The following CLDN14 variants were observed in gnomAD, a reference collection of about 807,000 sequenced individuals.
CLDN14 encodes the protein claudin 14, also known as claudin-14.
In CLDN14, 2 loss-of-function variants were observed where a neutral mutation model predicts 2.1. The observed-to-expected ratio is 0.96, with a 90% CI of 0.39 to 3.01. The LOEUF (loss-of-function observed/expected upper bound fraction) is 3.01. Among genes scored for constraint, CLDN14 ranks in the 30% most tolerant of loss-of-function variants. The pLI, the probability that CLDN14 is intolerant of heterozygous loss-of-function variation, is 0.09. For synonymous variants in CLDN14, 136 were observed against 154.4 expected, an observed-to-expected ratio of 0.88 and a Z score of 0.88; for missense variants, 298 against 328.0, an observed-to-expected ratio of 0.91 and a Z score of 0.71.
intron 1 of CLDN14, among the ~76,000 whole-genome samples, chr21:36,575,401 T>C (rs927090138): frequency 6.6e-6 from 1 of 152,238 alleles, no homozygotes; most frequent in Admixed American, 6.5e-5. Flanking sequence ...AGGACCATCA[T>C]TATTCCCATT....
At chr21:36,568,016 G>A (rs1355311659) in intron 1 of CLDN14, among the ~76,000 whole-genome samples, 1 of 152,162 alleles carries the variant, frequency 6.6e-6, no homozygotes, top group Non-Finnish European at 1.5e-5. Context: ...AATAATTATG[G>A]AAGAGCAAGA....
At chr21:36,569,546 G>T (rs1178814699) in intron 1 of CLDN14, among the ~76,000 whole-genome samples, 1 of 152,188 alleles carries the variant, frequency 6.6e-6, no homozygotes, top group Non-Finnish European at 1.5e-5. Flanking sequence ...GATGTCAAAT[G>T]AATTATCAAA....
intron 1 of CLDN14, among the ~76,000 whole-genome samples, chr21:36,541,862 C>A (rs754339415): frequency 1.1e-4 from 15 of 140,900 alleles, no homozygotes; most frequent in Middle Eastern, 3.5e-3. Context: ...ATTACAGTTT[C>A]TTTTGTCTTA....
intron 1 of CLDN14, among the ~76,000 whole-genome samples, chr21:36,550,721 A>G (rs947179589): frequency 6.6e-6 from 1 of 151,802 alleles, no homozygotes; most frequent in Non-Finnish European, 1.5e-5. Context: ...GCTCCATCCA[A>G]CTCTGCTCAT....
rs533302268 is a variant in CLDN14, at chr21:36,475,510, C to G, written c.-82+3985G>C. Reference sequence around the variant, plus strand: ...TGGGAATTTTCGAGCTCCTCTCCCCCACCCGGTGATTCTGATGTGCAGGCA... The same window carrying G: ...TGGGAATTTTCGAGCTCCTCTCCCCGACCCGGTGATTCTGATGTGCAGGCA... On this transcript the variant is annotated intron_variant, in intron 1 of 1. Transcript: ENST00000399135. 1.1e-4 allele frequency among the ~76,000 whole-genome samples: 16 copies of G among 152,340 alleles called. No homozygotes were observed. In the South Asian group the frequency reaches 2.5e-3, roughly 24 times the overall value.
At position 36,559,529 on chromosome 21, in the gene CLDN14, G is replaced by A. The variant is rs145926861; in HGVS notation, c.-220+16882C>T. On this transcript the variant is annotated intron_variant, in intron 1 of 2. Coordinates refer to the CLDN14 transcript ENST00000342108. Reference sequence around the variant, plus strand: ...TTTATCATGAGGGTTACAAAAACCTGTCAACTGTCCTTTCTGCACCTATTG... The same window carrying A: ...TTTATCATGAGGGTTACAAAAACCTATCAACTGTCCTTTCTGCACCTATTG... 2.6e-4 allele frequency among the ~76,000 whole-genome samples: 40 copies of A among 152,262 alleles called. No individual in the cohort carries two copies. In the East Asian group the frequency reaches 7.3e-3, roughly 28 times the overall value.
chr21:36,535,944 C>T (rs752476976), intron 1 of CLDN14, among the ~76,000 whole-genome samples: 9 of 152,224 alleles, frequency 5.9e-5, no homozygotes, highest in Non-Finnish European at 8.8e-5. Context: ...AAGGACAACA[C>T]GGTGCTCCCC....
chr21:36,461,379 C>G lies in CLDN14; in HGVS notation c.317G>C (p.Arg106Pro). 2 of 1,613,006 alleles carry G rather than the reference C, an allele frequency of 1.2e-6. No individual in the cohort carries two copies. Among genetic ancestry groups the G allele is most frequent in the South Asian group, 2.2e-5 (2 of 91,070 alleles). Reference sequence around the variant, plus strand: ...CTTGGCGGGTGTGCCCTTGGCGCAGCGCGTGCACTTCATCCCGATGACGGC... The same window carrying G: ...CTTGGCGGGTGTGCCCTTGGCGCAGGGCGTGCACTTCATCCCGATGACGGC... ...ACAVIGMKCT[R>P]CAKGTPAKTT... Residue 106 changes from arginine (R) to proline (P), a missense_variant, in exon 2 of 2, where the codon CGC becomes CCC. Arg to Pro is a moderately radical substitution (Grantham distance 103). Transcript: ENST00000399135.
chr21:36,462,874 C>T (rs1425903285), intron 1 of CLDN14, among the ~76,000 whole-genome samples: 3 of 117,746 alleles, frequency 2.5e-5, no homozygotes, highest in Admixed American at 1.7e-4. Context: ...GCCGAGATCG[C>T]GCCACTGCAC....
intron 1 of CLDN14, among the ~76,000 whole-genome samples, chr21:36,541,215 C>T (rs547027517): frequency 2.6e-5 from 4 of 152,068 alleles, no homozygotes; most frequent in South Asian, 4.1e-4. Context: ...CCTACCTTTC[C>T]GTCAGTCAGT....
intron 1 of CLDN14, among the ~76,000 whole-genome samples, chr21:36,560,250 C>T (rs1233907076): frequency 2.7e-5 from 4 of 146,580 alleles, no homozygotes; most frequent in Admixed American, 1.4e-4. Flanking sequence ...GACAGATTTT[C>T]GCTCTTGTCG....
At chr21:36,567,064 T>A (rs2087678652) in intron 1 of CLDN14, among the ~76,000 whole-genome samples, 2 of 152,220 alleles carry the variant, frequency 1.3e-5, no homozygotes, top group African/African-American at 4.8e-5. Flanking sequence ...CGTGAATTGA[T>A]CTGTGGCCCT....
intron 1 of CLDN14, among the ~76,000 whole-genome samples, chr21:36,561,842 C>CT (rs1409185190): frequency 6.6e-6 from 1 of 152,130 alleles, no homozygotes; most frequent in Non-Finnish European, 1.5e-5. Flanking sequence ...CTACTCCCTC[C>CT]TTTTTTTCTG....
At chr21:36,505,193 G>A (rs6517357) in intron 2 of CLDN14, among the ~76,000 whole-genome samples, 6,728 of 152,134 alleles carry the variant, frequency 0.044, 492 homozygotes, top group African/African-American at 0.15. Context: ...ACAGGTTTAC[G>A]TCTGCTAAAT....
upstream of CLDN14, among the ~76,000 whole-genome samples, chr21:36,484,298 C>T (rs565548800): frequency 1.6e-4 from 25 of 152,308 alleles, 1 homozygote; most frequent in South Asian, 3.9e-3. Context: ...TACTTTCTGA[C>T]GTGAACAGTG....
intron 2 of CLDN14, among the ~76,000 whole-genome samples, chr21:36,495,682 T>C (rs1374815053): frequency 6.6e-6 from 1 of 152,080 alleles, no homozygotes; most frequent in Non-Finnish European, 1.5e-5. Context: ...GAAGCAAGGG[T>C]GATTTTACAA....
At chr21:36,468,014 G>A (rs551066558) in intron 1 of CLDN14, among the ~76,000 whole-genome samples, 3 of 152,184 alleles carry the variant, frequency 2.0e-5, no homozygotes, top group Admixed American at 2.0e-4. Context: ...GGTCTGAATG[G>A]CTCTCGAGAT....
intron 1 of CLDN14, among the ~76,000 whole-genome samples, chr21:36,513,906 G>A (rs2087204541): frequency 6.6e-6 from 1 of 152,166 alleles, no homozygotes; most frequent in South Asian, 2.1e-4. Context: ...ACCTCCGCTC[G>A]CTGCAGCCTT....
At chr21:36,488,461 G>A (rs2086922920) in intron 2 of CLDN14, among the ~76,000 whole-genome samples, 3 of 152,034 alleles carry the variant, frequency 2.0e-5, no homozygotes, top group African/African-American at 7.2e-5. Context: ...TAGTAGAGAC[G>A]GGGTTTCACC....
Sources: allele counts gnomAD v4.1 joint callset (sites outside exome capture counted in the v4.1 genomes callset), GRCh38; gene constraint gnomAD v4.1.1; transcripts MANE v1.5; gene names NCBI Gene and HGNC (gene_info 2026-07-23, HGNC 2026-07-21).